The following MYRIP variants were observed in gnomAD, a reference collection of about 807,000 sequenced individuals.
MYRIP encodes the protein myosin VIIA and Rab interacting protein.
Under a neutral mutation model 98.0 loss-of-function variants are expected in MYRIP, and 49 were observed. The observed-to-expected ratio is 0.50, with a 90% confidence interval of 0.40 to 0.63. The LOEUF (loss-of-function observed/expected upper bound fraction) is 0.63. MYRIP is among the 30% of genes least tolerant of loss of function. The pLI is 0.00. For synonymous variants in MYRIP, 404 were observed against 409.5 expected, an observed-to-expected ratio of 0.99 and a Z score of 0.16; for missense variants, 1,004 against 1,058.2, an observed-to-expected ratio of 0.95 and a Z score of 0.71.
intron 8 of MYRIP, among the ~76,000 whole-genome samples, chr3:40,181,124 C>A (rs1950873915): frequency 6.6e-6 from 1 of 152,010 alleles, no homozygotes; most frequent in Non-Finnish European, 1.5e-5. Context: ...TTTTAAGCTA[C>A]CATTATCATA....
intron 1 of MYRIP, among the ~76,000 whole-genome samples, chr3:39,824,856 T>C (rs913394811): frequency 6.6e-6 from 1 of 152,064 alleles, no homozygotes; most frequent in Admixed American, 6.6e-5. Context: ...ATTGTGACTA[T>C]AGGCATATGC....
intron 1 of MYRIP, among the ~76,000 whole-genome samples, chr3:39,887,346 G>A (rs985363041): frequency 1.3e-5 from 2 of 151,660 alleles, no homozygotes; most frequent in East Asian, 3.9e-4. Flanking sequence ...AATCAGAGCA[G>A]AACTGAAGGA....
At chr3:39,855,115 T>C (rs1034985987) in intron 1 of MYRIP, among the ~76,000 whole-genome samples, 3 of 152,244 alleles carry the variant, frequency 2.0e-5, no homozygotes, top group Non-Finnish European at 2.9e-5. Context: ...CTTTCTTGAA[T>C]GCTGGTTATG....
Position 40,139,468 on chromosome 3 carries a change from C to G in MYRIP, c.333-11580C>G, listed in dbSNP as rs9872925. 9.7e-3 allele frequency among the ~76,000 whole-genome samples: 1,483 copies of G among 152,246 alleles called. 30 individuals carry two copies. The highest frequency in any genetic ancestry group is 0.031 in the African/African-American group (1,293 of 41,548). ...CTTTTTGTCAATGTAGATTAATTTT[C>G]CTTCTTTTAAAATTTCATTTAAGTG... On this transcript the variant is annotated intron_variant, in intron 3 of 16. Transcript: ENST00000302541.
In MYRIP at chr3:39,809,640, C is replaced by T. The variant is rs1214728026; in HGVS notation, c.-307C>T. On this transcript the variant is annotated 5_prime_UTR_variant, in exon 1 of 17. Transcript: ENST00000302541. ...GCCCTGGCTGCCTGCGGCGCGGGCG[C>T]CTCCCTCGCAGCCGCTGCTGCCGAC... The T allele has an allele frequency of 2.0e-5, 3 of 151,726 alleles. No individual in the cohort carries two copies. The highest frequency in any genetic ancestry group is 2.9e-5 in the Non-Finnish European group (2 of 67,830). The allele number at this position is 151,726 out of a possible 1,614,324, so 9.4% of individuals were successfully genotyped here.
At chr3:39,991,081 G>A (rs1946162898) in intron 2 of MYRIP, among the ~76,000 whole-genome samples, 1 of 152,152 alleles carries the variant, frequency 6.6e-6, no homozygotes, top group African/African-American at 2.4e-5. Context: ...CAAACCACCA[G>A]GGCACATGTA....
chr3:40,129,283 C>CA (rs1356966920), intron 3 of MYRIP, among the ~76,000 whole-genome samples: 4 of 150,108 alleles, frequency 2.7e-5, no homozygotes, highest in Non-Finnish European at 4.4e-5. Context: ...ACTAAAAATA[C>CA]AAAAAAAATT....
chr3:39,948,535 CTT>C (rs1450345755), intron 2 of MYRIP, among the ~76,000 whole-genome samples: 3 of 151,950 alleles, frequency 2.0e-5, no homozygotes, highest in East Asian at 1.9e-4. Flanking sequence ...TTAAATAAAA[CTT>C]AACACACATA....
At chr3:39,974,149 G>T (rs1226763685) in intron 2 of MYRIP, among the ~76,000 whole-genome samples, 4 of 141,626 alleles carry the variant, frequency 2.8e-5, no homozygotes, top group Non-Finnish European at 6.5e-5. Flanking sequence ...TTGATAGACT[G>T]CTAGCAAGAC....
chr3:40,220,613 T>C (rs1297300929), intron 11 of MYRIP, among the ~76,000 whole-genome samples: 1 of 152,196 alleles, frequency 6.6e-6, no homozygotes, highest in Non-Finnish European at 1.5e-5. Flanking sequence ...TATAACTCTG[T>C]ATTAGTTAAT....
intron 2 of MYRIP, among the ~76,000 whole-genome samples, chr3:39,994,033 T>C (rs1348794292): frequency 6.6e-6 from 1 of 152,198 alleles, no homozygotes; most frequent in Non-Finnish European, 1.5e-5. Flanking sequence ...ACAGAACTTA[T>C]AAATGTAAAA....
chr3:40,158,021 T>C (rs1950283837), intron 4 of MYRIP, among the ~76,000 whole-genome samples: 1 of 152,168 alleles, frequency 6.6e-6, no homozygotes, highest in South Asian at 2.1e-4. Flanking sequence ...TCTTAGTTAT[T>C]TCTTGCCTTC....
At chr3:39,968,292 C>A (rs548642354) in intron 2 of MYRIP, among the ~76,000 whole-genome samples, 1 of 151,926 alleles carries the variant, frequency 6.6e-6, no homozygotes, top group South Asian at 2.1e-4. Flanking sequence ...CATGCCTCAG[C>A]CTCCCAAGTA....
chr3:39,961,822 A>G (rs1010228240), intron 2 of MYRIP, among the ~76,000 whole-genome samples: 46 of 152,132 alleles, frequency 3.0e-4, no homozygotes, highest in African/African-American at 9.4e-4. Flanking sequence ...TCAGCCAGCC[A>G]CATGTCTTGC....
At chr3:40,145,938 C>T (rs550899695) in intron 3 of MYRIP, among the ~76,000 whole-genome samples, 4 of 152,272 alleles carry the variant, frequency 2.6e-5, no homozygotes, top group East Asian at 1.9e-4. Flanking sequence ...CTGTCCATCA[C>T]GTACTGGATT....
intron 11 of MYRIP, among the ~76,000 whole-genome samples, chr3:40,229,828 G>A (rs1241691924): frequency 6.6e-6 from 1 of 152,126 alleles, no homozygotes; most frequent in African/African-American, 2.4e-5. Flanking sequence ...TCAGTCAGCA[G>A]GACACCAAGA....
At chr3:39,871,567 G>C (rs575013137) in intron 1 of MYRIP, among the ~76,000 whole-genome samples, 1 of 151,946 alleles carries the variant, frequency 6.6e-6, no homozygotes, top group East Asian at 1.9e-4. Flanking sequence ...ACTGTCTTTC[G>C]ACTCAATTTC....
intron 1 of MYRIP, among the ~76,000 whole-genome samples, chr3:39,833,519 G>T (rs67571852): frequency 0.082 from 12,404 of 151,992 alleles, 568 homozygotes; most frequent in African/African-American, 0.12. Context: ...AGGTAAACTC[G>T]TTAGGGGTTG....
rs149741588 is a variant in MYRIP at position 39,844,665 on chromosome 3, G to A, written c.-31+34749G>A. Among the ~76,000 whole-genome samples the A allele has an allele frequency of 1.4e-3, 219 of 152,314 alleles. 1 individual carries two copies. Among genetic ancestry groups the A allele is most frequent in the African/African-American group, 4.8e-3 (200 of 41,574 alleles). On this transcript the variant is annotated intron_variant, in intron 1 of 16. Coordinates refer to ENST00000302541, the MANE Select transcript of MYRIP (RefSeq NM_015460.4). The stretch of plus-strand genomic sequence containing the variant: ...AATCTAGGCCACATGGTCACTTTAT[G>A]TCCATAGTCAGAGGTTCAATGCCAG...
Sources: allele counts gnomAD v4.1 joint callset (sites outside exome capture counted in the v4.1 genomes callset), GRCh38; gene constraint gnomAD v4.1.1; transcripts MANE v1.5; gene names NCBI Gene and HGNC (gene_info 2026-07-23, HGNC 2026-07-21).